The following IDE variants were observed in gnomAD, a reference collection of about 807,000 sequenced individuals.
IDE encodes the protein insulin degrading enzyme, also known as insulin-degrading enzyme.
Under a neutral mutation model 133.2 loss-of-function variants are expected in IDE, and 58 were observed. The observed-to-expected ratio is 0.44, with a 90% confidence interval of 0.35 to 0.54. The LOEUF (loss-of-function observed/expected upper bound fraction) is 0.54. IDE is among the 20% of genes least tolerant of loss of function. The pLI is 0.00. For missense variants in IDE, 981 were observed against 1,234.0 expected (o/e 0.79, Z 3.07); for synonymous variants, 396 against 421.3 (o/e 0.94, Z 0.73).
chr10:92,556,179 C>CAAAAAAAAAAA (rs60008680), intron 1 of IDE, among the ~76,000 whole-genome samples: 12 of 69,146 alleles, frequency 1.7e-4, no homozygotes, highest in East Asian at 4.9e-4. Context: ...GACTCCGTCT[C>CAAAAAAAAAAA]AAAAAAAAAA....
intron 13 of IDE, among the ~76,000 whole-genome samples, chr10:92,485,113 CT>C (rs1276170566): frequency 9.5e-6 from 1 of 104,814 alleles, no homozygotes; most frequent in African/African-American, 4.2e-5. Context: ...CTTTTTCTTT[CT>C]TTCTTTCTTT....
intron 14 of IDE, among the ~76,000 whole-genome samples, chr10:92,482,415 T>C (rs896279491): frequency 5.9e-5 from 9 of 152,234 alleles, no homozygotes; most frequent in African/African-American, 2.2e-4. Context: ...TAAATTTTAC[T>C]AAACATCTTC....
At chr10:92,484,455 C>T (rs959560944) in intron 13 of IDE, among the ~76,000 whole-genome samples, 2 of 151,396 alleles carry the variant, frequency 1.3e-5, no homozygotes, top group African/African-American at 2.4e-5. Context: ...GTGTGAGATA[C>T]GGTGCAGCAG....
intron 1 of IDE, among the ~76,000 whole-genome samples, chr10:92,568,437 A>G (rs1843649801): frequency 6.6e-6 from 1 of 152,248 alleles, no homozygotes; most frequent in South Asian, 2.1e-4. Context: ...ACTAAAATAA[A>G]CAATAAAACT....
rs1845705757 is a variant in IDE at position 92,466,649 on chromosome 10, GCT to G, written c.2321-808_2321-807del. Among the ~76,000 whole-genome samples the G allele has an allele frequency of 2.1e-5, 3 of 145,040 alleles. No individual in the cohort carries two copies. The South Asian group carries it at 6.5e-4, about 31-fold the overall frequency. ...TTTTTTTTTTTTGAGACGGAGTCTG[GCT>G]CTGTCACCCAGGCTGGAGTGCAGTG... On this transcript the variant is annotated intron_variant, in intron 19 of 24. Transcript: ENST00000265986.
chr10:92,490,313 T>C (rs892564371), intron 12 of IDE, among the ~76,000 whole-genome samples, 180 bp downstream of exon 12: 4 of 152,244 alleles, frequency 2.6e-5, no homozygotes, highest in African/African-American at 4.8e-5. Context: ...TAGAGTACCA[T>C]GTCTTCATGA....
At chr10:92,461,386 A>T in intron 21 of IDE, 134 bp from the exon 22 acceptor site, 3 of 446,228 alleles carry the variant, frequency 6.7e-6, no homozygotes, top group Non-Finnish European at 8.2e-6. Flanking sequence ...ACAGAGTTTC[A>T]CTCTGTCACC....
At chr10:92,561,847 T>C (rs1435638878) in intron 1 of IDE, among the ~76,000 whole-genome samples, 2 of 151,812 alleles carry the variant, frequency 1.3e-5, no homozygotes, top group Non-Finnish European at 2.9e-5. Context: ...TACACAATCA[T>C]TTCTGTACTT....
At chr10:92,511,839 G>A (rs1848648043) in intron 5 of IDE, among the ~76,000 whole-genome samples, 1 of 152,116 alleles carries the variant, frequency 6.6e-6, no homozygotes, top group Non-Finnish European at 1.5e-5. Flanking sequence ...TTTGCAGATG[G>A]GACATATGAC....
intron 17 of IDE, among the ~76,000 whole-genome samples, chr10:92,472,361 T>G (rs2135380880): frequency 6.6e-6 from 1 of 152,330 alleles, no homozygotes; most frequent in Non-Finnish European, 1.5e-5. Flanking sequence ...ACATTTAAAA[T>G]TAATTGTGTG....
chr10:92,487,265 T>G lies in IDE; in HGVS notation c.1587A>C (p.Glu529Asp), dbSNP rs1847055929. ...NGKFKLPTKN[E>D]FIPTNFEILP... ...AAATCTCAAAATTCGTAGGAATAAA[T>G]TCATTCTTTGTAGGAAGTTTAAATT... The change falls in exon 13 of 25, where the codon GAA becomes GAC. Residue 529 changes from glutamate to aspartate, a missense_variant. Around this residue, in one of 2 missense-constraint regions of IDE, gnomAD observed 660 missense variants for 894.7 expected, o/e 0.74. Transcript: ENST00000265986. 6.2e-7 allele frequency: 1 copy of G among 1,612,884 alleles called. No homozygotes were observed. Among genetic ancestry groups the G allele is most frequent in the South Asian group, 1.1e-5 (1 of 90,914 alleles).
chr10:92,544,422 T>C (rs1842450968), intron 1 of IDE, among the ~76,000 whole-genome samples: 1 of 152,106 alleles, frequency 6.6e-6, no homozygotes, highest in Non-Finnish European at 1.5e-5. Context: ...GCTCAGTCAG[T>C]GCTTGCATAC....
chr10:92,475,255 G>C (rs1846193594), intron 16 of IDE, among the ~76,000 whole-genome samples: 1 of 152,156 alleles, frequency 6.6e-6, no homozygotes, highest in Admixed American at 6.5e-5. Flanking sequence ...AGTTTTCAGG[G>C]AAGTCTTTTG....
intron 4 of IDE, among the ~76,000 whole-genome samples, chr10:92,522,983 C>T (rs1280201182): frequency 6.6e-6 from 1 of 152,092 alleles, no homozygotes; most frequent in Non-Finnish European, 1.5e-5. Context: ...CTTTCAGCAC[C>T]TTGAGTGCAA....
At chr10:92,481,794 G>A (rs1846629040) in intron 14 of IDE, among the ~76,000 whole-genome samples, 1 of 152,182 alleles carries the variant, frequency 6.6e-6, no homozygotes, top group Non-Finnish European at 1.5e-5. Context: ...TTCAGTTCTA[G>A]GAAATGCGCT....
At chr10:92,455,853 T>C (rs1351098950) in intron 23 of IDE, among the ~76,000 whole-genome samples, 1 of 152,242 alleles carries the variant, frequency 6.6e-6, no homozygotes, top group African/African-American at 2.4e-5. Context: ...TGGCTCATGA[T>C]ATTCCTGAGG....
intron 12 of IDE, among the ~76,000 whole-genome samples, chr10:92,487,521 T>C (rs886720350): frequency 6.6e-6 from 1 of 152,136 alleles, no homozygotes; most frequent in African/African-American, 2.4e-5. Context: ...TAGCAAAGAT[T>C]TTGCACTCAT....
chr10:92,562,974 G>A (rs1295077615), intron 1 of IDE, among the ~76,000 whole-genome samples: 3 of 152,110 alleles, frequency 2.0e-5, no homozygotes. Flanking sequence ...ACCCTGGCTG[G>A]GCACAGTGGC....
chr10:92,529,664 C>T (rs1849811646), intron 4 of IDE, among the ~76,000 whole-genome samples: 1 of 151,810 alleles, frequency 6.6e-6, no homozygotes, highest in Non-Finnish European at 1.5e-5. Flanking sequence ...TACTTGAGGC[C>T]AGGCGTTCAA....
Sources: allele counts gnomAD v4.1 joint callset (sites outside exome capture counted in the v4.1 genomes callset), GRCh38; gene constraint gnomAD v4.1.1; regional missense constraint gnomAD v4.1.1; transcripts MANE v1.5; gene names NCBI Gene and HGNC (gene_info 2026-07-23, HGNC 2026-07-21).